The following PNCK variants were observed in gnomAD, a reference collection of about 807,000 sequenced individuals.
PNCK encodes the protein pregnancy up-regulated nonubiquitous CaM kinase.
In PNCK, 21 loss-of-function variants were observed where a neutral mutation model predicts 28.3. The observed-to-expected ratio is 0.74, with a 90% CI of 0.53 to 1.07. PNCK has a LOEUF of 1.07. PNCK is among the 50% of genes least tolerant of loss of function. The probability of loss-of-function intolerance (pLI) is 0.00; values close to 1 mark genes in which losing one functional copy is unlikely to be tolerated. For synonymous variants in PNCK, 136 were observed against 125.2 expected, an observed-to-expected ratio of 1.09 and a Z score of -0.58; for missense variants, 250 against 298.3, an observed-to-expected ratio of 0.84 and a Z score of 1.19.
chrX:153,673,308 G>A (rs1164684279), intron 1 of PNCK: 10 of 1,091,678 alleles, frequency 9.2e-6, no homozygotes, highest in Admixed American at 3.3e-5. Flanking sequence ...ACCCTCCCCC[G>A]CACCCCGAAG....
intron 1 of PNCK, among the ~76,000 whole-genome samples, chrX:153,684,924 G>A (rs2148354368): frequency 1.0e-5 from 1 of 95,586 alleles, no homozygotes; most frequent in African/African-American, 3.9e-5. Flanking sequence ...CCCACTCCCT[G>A]GGACACGGTA....
chrX:153,672,585 C>T lies in PNCK; in HGVS notation c.181G>A (p.Glu61Lys), dbSNP rs782729326. The change falls in exon 3 of 12, where the codon GAG becomes AAG. Residue 61 changes from glutamate (E) to lysine (K), a missense_variant. Coordinates refer to ENST00000340888, the MANE Select transcript of PNCK (RefSeq NM_001366977.1). ...GCGCACCTACGGAGCACTGCGATCT[C>T]GTTCTCCACCAGGGCCTCCTTGCCC... ...LRGKEALVEN[E>K]IAVLRRISHP... 3.3e-6 allele frequency: 4 copies of T among 1,206,349 alleles called. No individual in the cohort carries two copies. The highest frequency in any genetic ancestry group is 2.2e-5 in the Admixed American group (1 of 46,009).
intron 1 of PNCK, 52 bp from the exon 2 acceptor site, chrX:153,673,130 C>A: frequency 8.5e-7 from 1 of 1,175,828 alleles, no homozygotes; most frequent in Non-Finnish European, 1.1e-6. Context: ...CCGCCGGGGG[C>A]AAGGGCAGCT....
intron 1 of PNCK, among the ~76,000 whole-genome samples, chrX:153,684,996 G>C (rs1217232947): frequency 1.1e-5 from 1 of 91,500 alleles, no homozygotes; most frequent in African/African-American, 4.2e-5. Context: ...AGAACAGTTT[G>C]CTTCTCACCC....
rs1050798291 is a variant in PNCK at position 153,671,935 on chromosome X, A to G, written c.359T>C (p.Val120Ala). 1.1e-5 allele frequency: 13 copies of G among 1,208,243 alleles called. No homozygotes were observed. Among genetic ancestry groups the G allele is most frequent in the Non-Finnish European group, 1.3e-5 (12 of 894,851 alleles). ...EKDASHLVGQ[V>A]LGAVSYLHSL... Reference sequence around the variant, plus strand: ...GTGCAGGTAGGAGACGGCGCCAAGGACCTGACCCACCAGATGGCTGGCATC... The same window carrying G: ...GTGCAGGTAGGAGACGGCGCCAAGGGCCTGACCCACCAGATGGCTGGCATC... Residue 120 changes from valine to alanine, a missense_variant, in exon 5 of 12, where the codon GTC (valine) becomes GCC (alanine). Val to Ala is a moderately conservative substitution (Grantham distance 64, BLOSUM62 0). Transcript: ENST00000340888.
chrX:153,673,695 CG>C, intron 1 of PNCK, 84 bp downstream of exon 1: 1 of 545,251 alleles, frequency 1.8e-6, no homozygotes. Flanking sequence ...AGGTGTGCTG[CG>C]GACGCGCAAG....
At chrX:153,674,004 C>T, upstream of PNCK, 1 of 1,174,934 alleles carries the variant, frequency 8.5e-7, no homozygotes, top group Non-Finnish European at 1.1e-6. Flanking sequence ...CGCGCCGCCT[C>T]CCGGAGCTGC....
At chrX:153,683,501 T>C (rs1181807683) in intron 1 of PNCK, among the ~76,000 whole-genome samples, 1 of 109,332 alleles carries the variant, frequency 9.1e-6, no homozygotes, top group Non-Finnish European at 1.9e-5. Flanking sequence ...TGGAGTGCAG[T>C]GGCACAATCT....
intron 2 of PNCK, 131 bp downstream of exon 2, chrX:153,672,878 C>T (rs782632047): frequency 2.1e-6 from 2 of 945,300 alleles, no homozygotes; most frequent in African/African-American, 3.9e-5. Context: ...CATTCACACA[C>T]CCCTACATAT....
intron 1 of PNCK, among the ~76,000 whole-genome samples, chrX:153,683,314 G>A (rs1226085304): frequency 9.0e-6 from 1 of 110,613 alleles, no homozygotes; most frequent in Non-Finnish European, 1.9e-5. Context: ...TTAATTTTTT[G>A]TATTTTTAGT....
At position 153,672,038 on chromosome X, in the gene PNCK, G is replaced by C; in HGVS notation, c.276-20C>G. 1 of 1,206,881 alleles carries C rather than the reference G, an allele frequency of 8.3e-7. No individual in the cohort carries two copies. On this transcript the variant is annotated intron_variant, in intron 4 of 11. Transcript: ENST00000340888. ...GTCACCCTGGGGGTGCCAGGGGTTT[G>C]GCTGACCCAGGCACTCAGCCTGGCC...
intron 1 of PNCK, chrX:153,686,491 C>CCGAGCCTA (rs1283274736): frequency 8.9e-6 from 1 of 112,216 alleles, no homozygotes; most frequent in African/African-American, 3.2e-5. Flanking sequence ...CTGAGGCCCT[C>CCGAGCCTA]CGAGCCTACT....
chrX:153,680,118 C>T (rs1348251939), intron 1 of PNCK, among the ~76,000 whole-genome samples: 1 of 110,211 alleles, frequency 9.1e-6, no homozygotes, highest in Non-Finnish European at 1.9e-5. Flanking sequence ...AAATCCTGTA[C>T]GTGTCAACTT....
At chrX:153,681,454 CCT>C (rs782459431) in intron 1 of PNCK, among the ~76,000 whole-genome samples, 1 of 111,678 alleles carries the variant, frequency 9.0e-6, no homozygotes, top group South Asian at 3.9e-4. Flanking sequence ...CCTGATCACC[CCT>C]GAGGCCCACC....
At chrX:153,681,893 C>T (rs1246238787) in intron 1 of PNCK, among the ~76,000 whole-genome samples, 1 of 111,818 alleles carries the variant, frequency 8.9e-6, no homozygotes, top group Non-Finnish European at 1.9e-5. Flanking sequence ...TTGGGTACAA[C>T]GTTCACTATT....
intron 1 of PNCK, among the ~76,000 whole-genome samples, chrX:153,683,251 C>T (rs935614355): frequency 1.8e-5 from 2 of 109,583 alleles, no homozygotes; most frequent in African/African-American, 6.7e-5. Context: ...AGCGATTCTC[C>T]TGCCTCAGCC....
rs190420741 is a variant in PNCK, at chrX:153,685,458, T to C, written c.-3+1973A>G. Among the ~76,000 whole-genome samples the C allele has an allele frequency of 1.4e-3, 156 of 111,482 alleles. No homozygotes were observed. In the East Asian group the frequency reaches 0.016, roughly 12 times the overall value. On this transcript the variant is annotated intron_variant, in intron 1 of 3. Transcript: ENST00000419804. The stretch of plus-strand genomic sequence containing the variant: ...TCCAGCCTTACCAGCCTGAACTTCA[T>C]GCACTGCTCAAAGAGGCCCAGCTCG...
chrX:153,672,181 C>T lies in PNCK; in HGVS notation c.220G>A (p.Val74Ile), dbSNP rs781791539. The change falls in exon 4 of 12, where the codon GTC becomes ATC. Residue 74 changes from valine (V) to isoleucine (I), a missense_variant. By Grantham distance (29) the Val-to-Ile change is conservative. Coordinates refer to ENST00000340888, the MANE Select transcript of PNCK (RefSeq NM_001366977.1). ...CTCTCGTGGACATCCTCCAGAGCGA[C>T]GATGTTGGGGTGACTGATCCTGCAA... Reference protein sequence around the residue: ...VLRRISHPNIVALEDVHESPS... With the variant: ...VLRRISHPNIIALEDVHESPS... The T allele has an allele frequency of 8.3e-7, 1 of 1,205,817 alleles. No individual in the cohort carries two copies. The highest frequency in any genetic ancestry group is 1.1e-6 in the Non-Finnish European group (1 of 892,532).
At position 153,670,351 on chromosome X, in the gene PNCK, G is replaced by A. The variant is rs1460608136; in HGVS notation, c.*7+99C>T. The stretch of plus-strand genomic sequence containing the variant: ...TCTGCCTTCAGTCCTCTGGCCTGTG[G>A]GGGCCACCCCACTTAGCTCTTGGCC... On this transcript the variant is annotated intron_variant, in intron 11 of 11. Transcript: ENST00000340888. 1.2e-5 allele frequency: 14 copies of A among 1,122,106 alleles called. No individual in the cohort carries two copies. The South Asian group carries it at 1.8e-4, about 14-fold the overall frequency. 92.5% of individuals were successfully genotyped at this position (1,122,106 alleles called of 1,213,427 possible). A position where few individuals can be genotyped will look rare whatever the true frequency, so the allele number is the denominator to read the frequency against.
Sources: gnomAD v4.1 joint callset for allele counts (sites outside exome capture counted in the v4.1 genomes callset) on GRCh38, gnomAD v4.1.1 for gene constraint, MANE v1.5 for transcripts, NCBI Gene and HGNC (gene_info 2026-07-23, HGNC 2026-07-21) for gene names.